Variants in AGBL4 observed in about 807,000 individuals in gnomAD.
AGBL4 encodes cytosolic carboxypeptidase 6.
In AGBL4, 58 loss-of-function variants were observed where a neutral mutation model predicts 66.4. That is an observed-to-expected ratio of 0.87 (90% CI 0.71 to 1.09). The LOEUF (loss-of-function observed/expected upper bound fraction) is 1.09, where lower values mean the gene tolerates loss of function less well. AGBL4 is among the 50% of genes least tolerant of loss of function. The pLI is 0.00. For synonymous variants in AGBL4, 234 were observed against 222.9 expected, an observed-to-expected ratio of 1.05 and a Z score of -0.44; for missense variants, 579 against 631.0, an observed-to-expected ratio of 0.92 and a Z score of 0.88.
At chr1:48,686,507 A>G (rs1175603086) in intron 6 of AGBL4, among the ~76,000 whole-genome samples, 1 of 152,240 alleles carries the variant, frequency 6.6e-6, no homozygotes, top group African/African-American at 2.4e-5. Context: ...TTGAACATAG[A>G]AAGTGTTCAA....
chr1:49,551,725 A>C (rs1181473886), intron 3 of AGBL4, among the ~76,000 whole-genome samples: 1 of 152,022 alleles, frequency 6.6e-6, no homozygotes, highest in Non-Finnish European at 1.5e-5. Context: ...ACTCCATGAG[A>C]GTTCTTAGCT....
intron 1 of AGBL4, among the ~76,000 whole-genome samples, chr1:49,945,131 A>C (rs1322676476): frequency 6.6e-6 from 1 of 152,154 alleles, no homozygotes; most frequent in Non-Finnish European, 1.5e-5. Flanking sequence ...AAAAGTTTGG[A>C]AAACATATTT....
intron 1 of AGBL4, among the ~76,000 whole-genome samples, chr1:49,900,824 G>A (rs1316789335): frequency 6.6e-6 from 1 of 152,200 alleles, no homozygotes; most frequent in African/African-American, 2.4e-5. Flanking sequence ...ATTAAAGGCT[G>A]ACAGCTTCTC....
intron 3 of AGBL4, among the ~76,000 whole-genome samples, chr1:49,594,733 A>G (rs969385698): frequency 1.3e-5 from 2 of 152,180 alleles, no homozygotes; most frequent in African/African-American, 4.8e-5. Flanking sequence ...TCCATGGTGT[A>G]TATGTGCCAC....
At chr1:49,324,999 A>T (rs1342029466) in intron 3 of AGBL4, among the ~76,000 whole-genome samples, 1 of 152,172 alleles carries the variant, frequency 6.6e-6, no homozygotes, top group East Asian at 1.9e-4. Context: ...CATAACTTTT[A>T]TCTTAATATA....
At chr1:49,829,752 T>A (rs1189625306) in intron 2 of AGBL4, among the ~76,000 whole-genome samples, 2 of 152,104 alleles carry the variant, frequency 1.3e-5, no homozygotes, top group East Asian at 1.9e-4. Flanking sequence ...TTTCTCCCAA[T>A]GCTATCCCTC....
intron 3 of AGBL4, among the ~76,000 whole-genome samples, chr1:49,414,210 C>G (rs1645378689): frequency 6.6e-6 from 1 of 151,928 alleles, no homozygotes; most frequent in Non-Finnish European, 1.5e-5. Flanking sequence ...TATATATAAG[C>G]CCATATAGTG....
intron 3 of AGBL4, among the ~76,000 whole-genome samples, chr1:49,517,496 G>A (rs1006887339): frequency 6.6e-6 from 1 of 151,740 alleles, no homozygotes; most frequent in Non-Finnish European, 1.5e-5. Context: ...GAAGAATGAG[G>A]GTCAGAGAAG....
rs529645056 is a variant in AGBL4 at position 48,836,648 on chromosome 1, G to A, written c.634+30543C>T. ...ATAACAAAAAATCAGTGTCAGATGGGAAAATGCCTTGGATGATGATAATGA... is the reference window on the plus strand; with the variant it reads ...ATAACAAAAAATCAGTGTCAGATGGAAAAATGCCTTGGATGATGATAATGA... On this transcript the variant is annotated intron_variant, in intron 6 of 13. Transcript: ENST00000371839. Among the ~76,000 whole-genome samples, 83 of 152,192 alleles carry A rather than the reference G, an allele frequency of 5.5e-4. 2 individuals are homozygous for A. In the Middle Eastern group the frequency reaches 0.027, roughly 50 times the overall value.
chr1:49,790,655 A>G (rs1279485886), intron 2 of AGBL4, among the ~76,000 whole-genome samples: 1 of 152,178 alleles, frequency 6.6e-6, no homozygotes, highest in Non-Finnish European at 1.5e-5. Flanking sequence ...ATTCTATATC[A>G]AGTGAAAATA....
At chr1:49,530,307 A>G (rs1446762623) in intron 3 of AGBL4, among the ~76,000 whole-genome samples, 1 of 130,682 alleles carries the variant, frequency 7.7e-6, no homozygotes, top group Non-Finnish European at 1.6e-5. Flanking sequence ...TTTTATTATT[A>G]TACTTTACGT....
intron 4 of AGBL4, among the ~76,000 whole-genome samples, chr1:49,058,114 C>T (rs184441544): frequency 5.9e-5 from 9 of 152,276 alleles, no homozygotes; most frequent in South Asian, 2.1e-4. Context: ...TAATCATTCA[C>T]GTGAAGGCTT....
intron 3 of AGBL4, among the ~76,000 whole-genome samples, chr1:49,327,769 A>T (rs1388683016): frequency 3.9e-5 from 6 of 152,220 alleles, no homozygotes; most frequent in Admixed American, 3.9e-4. Context: ...AAATTTCAAC[A>T]TGAATTTTGG....
chr1:48,776,111 A>T (rs1645066420), intron 6 of AGBL4, among the ~76,000 whole-genome samples: 1 of 152,148 alleles, frequency 6.6e-6, no homozygotes, highest in Admixed American at 6.5e-5. Context: ...TCCCACCTAG[A>T]AGATCTGACA....
intron 3 of AGBL4, among the ~76,000 whole-genome samples, chr1:49,667,641 CA>C (rs2124513463): frequency 6.6e-6 from 1 of 152,064 alleles, no homozygotes; most frequent in Non-Finnish European, 1.5e-5. Context: ...CACAAGGCTT[CA>C]AAAAAATCTG....
intron 6 of AGBL4, among the ~76,000 whole-genome samples, chr1:48,700,100 T>C (rs757059073): frequency 6.6e-6 from 1 of 152,144 alleles, no homozygotes; most frequent in Non-Finnish European, 1.5e-5. Context: ...TATTAACTCC[T>C]CTGTGCCCCT....
intron 1 of AGBL4, among the ~76,000 whole-genome samples, chr1:49,974,957 A>G (rs952514043): frequency 2.4e-4 from 37 of 152,344 alleles, no homozygotes; most frequent in African/African-American, 8.9e-4. Context: ...CTAAACCTGT[A>G]TAGAAGTCTA....
intron 6 of AGBL4, among the ~76,000 whole-genome samples, chr1:48,745,293 G>A (rs1476329360): frequency 6.6e-6 from 1 of 152,144 alleles, no homozygotes; most frequent in Non-Finnish European, 1.5e-5. Context: ...TGTTCTGAAT[G>A]TCTGTAATCT....
intron 1 of AGBL4, among the ~76,000 whole-genome samples, chr1:49,900,223 GTTGT>G (rs745879412): frequency 6.6e-5 from 10 of 151,880 alleles, no homozygotes; most frequent in African/African-American, 2.4e-4. Flanking sequence ...TTCTGTTGTT[GTTGT>G]TTCTTTTTTT....
Sources: allele counts gnomAD v4.1 joint callset (sites outside exome capture counted in the v4.1 genomes callset), GRCh38; gene constraint gnomAD v4.1.1; transcripts MANE v1.5; gene names NCBI Gene and HGNC (gene_info 2026-07-23, HGNC 2026-07-21).